The following ATPAF1 variants were observed in gnomAD, a reference collection of about 807,000 sequenced individuals.
ATPAF1 encodes the protein homolog of yeast ATP11.
Under a neutral mutation model 43.9 loss-of-function variants are expected in ATPAF1, and 26 were observed. The observed-to-expected ratio is 0.59, with a 90% CI of 0.43 to 0.82. ATPAF1 has a LOEUF of 0.82. ATPAF1 is among the 40% of genes least tolerant of loss of function. ATPAF1 has a pLI of 0.00. For missense variants in ATPAF1, 366 were observed against 435.0 expected, an observed-to-expected ratio of 0.84 and a Z score of 1.41; for synonymous variants, 157 against 168.0, an observed-to-expected ratio of 0.93 and a Z score of 0.50.
Position 46,643,168 on chromosome 1 carries a change from A to G in ATPAF1, c.792+26T>C. 4 of 1,582,814 alleles carry G rather than the reference A, an allele frequency of 2.5e-6. No individual in the cohort carries two copies. In the East Asian group the frequency reaches 8.9e-5, roughly 35 times the overall value. On this transcript the variant is annotated intron_variant, in intron 8 of 8. Coordinates refer to ENST00000574428, the Ensembl canonical transcript of ATPAF1. ...ACCTTCAGTGCCATGAGGTAAATCCAAAGAGTTTTGCAAGTTAATTCTTAC... is the reference window on the plus strand; with the variant it reads ...ACCTTCAGTGCCATGAGGTAAATCCGAAGAGTTTTGCAAGTTAATTCTTAC...
chr1:46,668,533 G>T (rs1676537991), upstream of ATPAF1: 1 of 541,070 alleles, frequency 1.8e-6, no homozygotes, highest in Non-Finnish European at 2.5e-6. The surrounding 1 kb of genome is among the most constrained non-coding windows in gnomAD (Gnocchi z 4.4). Context: ...TCGCCGCCCT[G>T]TGTATGCCAC....
chr1:46,667,391 T>C (rs1360543622), intron 1 of ATPAF1, among the ~76,000 whole-genome samples: 1 of 152,178 alleles, frequency 6.6e-6, no homozygotes, highest in Non-Finnish European at 1.5e-5. Context: ...CTTCAGATGC[T>C]CCTATAGCCC....
chr1:46,635,861 A>C, exon 9 of ATPAF1: 1 of 1,614,208 alleles, frequency 6.2e-7, no homozygotes, highest in Non-Finnish European at 8.5e-7. Flanking sequence ...CATATATTTG[A>C]ACTCATTTGG....
Position 46,653,673 on chromosome 1 carries a change from G to C in ATPAF1, c.540+144C>G. 1 of 630,136 alleles carries C rather than the reference G, an allele frequency of 1.6e-6. No homozygotes were observed. Among genetic ancestry groups the C allele is most frequent in the African/African-American group, 1.9e-5 (1 of 52,944 alleles). 39.0% of individuals were successfully genotyped at this position (630,136 alleles called of 1,614,324 possible). A position where few individuals can be genotyped will look rare whatever the true frequency, so the allele number is the denominator to read the frequency against. On this transcript the variant is annotated intron_variant, in intron 5 of 8. Transcript: ENST00000574428. This position sits in a 1 kb window ranked among gnomAD's most constrained non-coding sequence, Gnocchi z 4.8. ...TGGAGCTTCCAATCTCTGGTGCTCAGGGCATAATAAAAACTCTCAGGGCTG... is the reference window on the plus strand; with the variant it reads ...TGGAGCTTCCAATCTCTGGTGCTCACGGCATAATAAAAACTCTCAGGGCTG...
intron 4 of ATPAF1, among the ~76,000 whole-genome samples, chr1:46,656,381 G>A (rs964001696): frequency 1.3e-5 from 2 of 152,124 alleles, no homozygotes. Flanking sequence ...GGCCCCAATT[G>A]AAGATACTAA....
chr1:46,657,549 C>T (rs1442470107), intron 4 of ATPAF1, among the ~76,000 whole-genome samples: 1 of 152,104 alleles, frequency 6.6e-6, no homozygotes, highest in Non-Finnish European at 1.5e-5. Context: ...AGGGACTGTT[C>T]TAAGTGATAA....
At chr1:46,665,772 C>G in intron 1 of ATPAF1, 1 of 1,503,640 alleles carries the variant, frequency 6.7e-7, no homozygotes, top group Non-Finnish European at 8.8e-7. Context: ...ATATGTCCCC[C>G]CAACCAGGTT....
At chr1:46,667,733 TAGA>T (rs1363366968) in intron 1 of ATPAF1, among the ~76,000 whole-genome samples, 2 of 152,194 alleles carry the variant, frequency 1.3e-5, no homozygotes, top group African/African-American at 4.8e-5. Context: ...GTCCCTTCTC[TAGA>T]AGGCGTTTTC....
At chr1:46,638,560 T>C (rs1212569615) in intron 8 of ATPAF1, among the ~76,000 whole-genome samples, 1 of 151,032 alleles carries the variant, frequency 6.6e-6, no homozygotes, top group African/African-American at 2.4e-5. Flanking sequence ...AGGCAGAGCT[T>C]GCAGTGAGCC....
At chr1:46,665,130 T>C (rs1463022872) in intron 2 of ATPAF1, 126 bp downstream of exon 2, 11 of 815,068 alleles carry the variant, frequency 1.3e-5, no homozygotes, top group Non-Finnish European at 2.2e-5. Flanking sequence ...GGAAATGGAG[T>C]TGGGAGAGAC....
At chr1:46,657,929 T>A (rs1231435957) in intron 4 of ATPAF1, among the ~76,000 whole-genome samples, 198 bp downstream of exon 4, 1 of 152,184 alleles carries the variant, frequency 6.6e-6, no homozygotes, top group Non-Finnish European at 1.5e-5. Flanking sequence ...AAACTAGACA[T>A]ACAAGTTGAT....
chr1:46,665,919 GT>G, intron 1 of ATPAF1: 1 of 1,323,640 alleles, frequency 7.6e-7, no homozygotes, highest in Non-Finnish European at 9.7e-7. Context: ...AGAACACATT[GT>G]TTATGTCAAA....
rs557837784 is a variant in ATPAF1, at chr1:46,649,471, T to G, written c.588+3110A>C. Among the ~76,000 whole-genome samples, 13 of 152,358 alleles carry G rather than the reference T, an allele frequency of 8.5e-5. No individual in the cohort carries two copies. In the South Asian group the frequency reaches 2.5e-3, roughly 29 times the overall value. On this transcript the variant is annotated intron_variant, in intron 6 of 8. Transcript: ENST00000574428. ...TCTTGAAATCAGGAAATGTAAGTCC[T>G]CAAGCTTTGTTCTTTTTCAAAATTG...
At chr1:46,667,824 G>C (rs1428159293) in intron 1 of ATPAF1, among the ~76,000 whole-genome samples, 2 of 152,210 alleles carry the variant, frequency 1.3e-5, no homozygotes, top group African/African-American at 4.8e-5. Flanking sequence ...AGCGTTTGGA[G>C]AACCAAAGCA....
At chr1:46,642,862 T>C (rs1675974405) in intron 8 of ATPAF1, among the ~76,000 whole-genome samples, 1 of 152,126 alleles carries the variant, frequency 6.6e-6, no homozygotes, top group African/African-American at 2.4e-5. Context: ...CCACACCAAG[T>C]GGGATTAGTT....
At chr1:46,657,557 T>C (rs904631883) in intron 4 of ATPAF1, among the ~76,000 whole-genome samples, 2 of 152,220 alleles carry the variant, frequency 1.3e-5, no homozygotes, top group Non-Finnish European at 2.9e-5. Context: ...TTCTAAGTGA[T>C]AATAAATGTT....
chr1:46,643,220 T>C (rs376154299), exon 8 of ATPAF1: 1 of 1,613,532 alleles, frequency 6.2e-7, no homozygotes, highest in African/African-American at 1.3e-5. Flanking sequence ...ATTTCTGCAG[T>C]CATCAGCACT....
At chr1:46,661,898 T>C (rs964950474) in intron 2 of ATPAF1, among the ~76,000 whole-genome samples, 1 of 138,132 alleles carries the variant, frequency 7.2e-6, no homozygotes, top group Non-Finnish European at 1.6e-5. Context: ...AATTTCTTTC[T>C]TTTTTTTTTT....
downstream of ATPAF1, chr1:46,634,340 C>T (rs370041038): frequency 5.7e-5 from 9 of 157,260 alleles, no homozygotes; most frequent in East Asian, 9.5e-4. Context: ...AGGCCAGGCA[C>T]GGTGGCTCAC....
Sources: allele counts gnomAD v4.1 joint callset (sites outside exome capture counted in the v4.1 genomes callset), GRCh38; gene constraint gnomAD v4.1.1; non-coding constraint Gnocchi (gnomAD v3.1); transcripts MANE v1.5; gene names NCBI Gene and HGNC (gene_info 2026-07-23, HGNC 2026-07-21).